The following FARP1 variants were observed in gnomAD, a reference collection of about 807,000 sequenced individuals.
FARP1 encodes FERM, ARHGEF and pleckstrin domain-containing protein 1.
Under a neutral mutation model 128.8 loss-of-function variants are expected in FARP1, and 52 were observed. That is an observed-to-expected ratio of 0.40 (90% CI 0.32 to 0.51). The LOEUF is 0.51. Ranked by LOEUF, FARP1 falls within the 20% of genes least tolerant of loss-of-function variation. The pLI is 0.45. For synonymous variants in FARP1, 580 were observed against 551.8 expected (o/e 1.05, Z -0.72); for missense variants, 1,333 against 1,367.9 (o/e 0.97, Z 0.40).
chr13:98,246,517 A>C (rs577022826), intron 2 of FARP1, among the ~76,000 whole-genome samples: 1 of 152,182 alleles, frequency 6.6e-6, no homozygotes, highest in South Asian at 2.1e-4. Context: ...GTCAGTTTTC[A>C]TTGTTAGAGT....
chr13:98,205,185 A>G (rs1389919078), intron 1 of FARP1, among the ~76,000 whole-genome samples: 2 of 152,216 alleles, frequency 1.3e-5, no homozygotes, highest in Non-Finnish European at 2.9e-5. Flanking sequence ...TGAGTTGTCA[A>G]ATTATCTTTG....
At chr13:98,234,293 C>A (rs1286074010) in intron 2 of FARP1, 1 of 152,158 alleles carries the variant, frequency 6.6e-6, no homozygotes, top group Non-Finnish European at 1.5e-5. Flanking sequence ...ACTAAGAAAG[C>A]TGGACTTCTT....
At chr13:98,385,476 G>A (rs745383840) in intron 7 of FARP1, among the ~76,000 whole-genome samples, 191 bp from the exon 8 acceptor site, 3 of 152,254 alleles carry the variant, frequency 2.0e-5, no homozygotes, top group Non-Finnish European at 2.9e-5. Context: ...TCCATGAGCA[G>A]TGGAGGTTTT....
chr13:98,438,118 T>G (rs1402721080), intron 19 of FARP1, among the ~76,000 whole-genome samples: 1 of 152,180 alleles, frequency 6.6e-6, no homozygotes, highest in African/African-American at 2.4e-5. Context: ...TTTTTTTGTT[T>G]TTAAGTGCTT....
chr13:98,215,530 A>C (rs1351896915), intron 2 of FARP1, among the ~76,000 whole-genome samples: 1 of 152,200 alleles, frequency 6.6e-6, no homozygotes, highest in African/African-American at 2.4e-5. Context: ...TTTATACTAT[A>C]TGAGAATAAA....
chr13:98,190,538 A>G (rs1262025472), intron 1 of FARP1, among the ~76,000 whole-genome samples: 6 of 151,774 alleles, frequency 4.0e-5, no homozygotes, highest in African/African-American at 1.5e-4. Flanking sequence ...ATGGGTAATA[A>G]GCATCAGATG....
At chr13:98,356,329 A>G (rs1288766369) in intron 3 of FARP1, among the ~76,000 whole-genome samples, 2 of 152,206 alleles carry the variant, frequency 1.3e-5, no homozygotes, top group East Asian at 1.9e-4. Context: ...GGTTGTCTCT[A>G]TAGCATATTA....
chr13:98,353,708 T>A (rs1888529907), intron 3 of FARP1, among the ~76,000 whole-genome samples: 1 of 152,198 alleles, frequency 6.6e-6, no homozygotes, highest in South Asian at 2.1e-4. Flanking sequence ...ATCTGTTTAT[T>A]TTAATATTAA....
At chr13:98,222,057 T>C (rs1260018151) in intron 2 of FARP1, among the ~76,000 whole-genome samples, 2 of 152,246 alleles carry the variant, frequency 1.3e-5, no homozygotes, top group Non-Finnish European at 2.9e-5. Context: ...GGGATTTCTC[T>C]TCTGTAGATA....
rs596722 is a variant in FARP1, at chr13:98,309,721, C to T, written c.172-34041C>T. 5.9e-3 allele frequency among the ~76,000 whole-genome samples: 891 copies of T among 152,294 alleles called. 9 individuals carry two copies. Among genetic ancestry groups the T allele is most frequent in the African/African-American group, 0.02 (829 of 41,540 alleles). Reference sequence around the variant, plus strand: ...GGCAGAAACTGCCAAAAACAGCAAACGCCGTCAAGGCACTGTTGAGGGGTT... The same window carrying T: ...GGCAGAAACTGCCAAAAACAGCAAATGCCGTCAAGGCACTGTTGAGGGGTT... On this transcript the variant is annotated intron_variant, in intron 2 of 26. Coordinates refer to ENST00000319562, the MANE Select transcript of FARP1 (RefSeq NM_005766.4).
At position 98,269,978 on chromosome 13, in the gene FARP1, G is replaced by A. The variant is rs144267448; in HGVS notation, c.171+56565G>A. Among the ~76,000 whole-genome samples, 633 of 152,212 alleles carry A rather than the reference G, an allele frequency of 4.2e-3. 3 individuals are homozygous for A. The highest frequency in any genetic ancestry group is 0.014 in the African/African-American group (589 of 41,532). On this transcript the variant is annotated intron_variant, in intron 2 of 26. Transcript: ENST00000319562. ...AAATTAGCCGGGCTTGGTAGTGCAC[G>A]CCTGTAGTCCCAACTACTTGGGAGG...
At chr13:98,370,945 A>C (rs374858500) in intron 5 of FARP1, among the ~76,000 whole-genome samples, 1 of 152,208 alleles carries the variant, frequency 6.6e-6, no homozygotes, top group East Asian at 1.9e-4. Context: ...GGGTCTGCAC[A>C]GGACTGAGGG....
At chr13:98,217,754 T>G (rs1367394874) in intron 2 of FARP1, among the ~76,000 whole-genome samples, 1 of 152,220 alleles carries the variant, frequency 6.6e-6, no homozygotes, top group Non-Finnish European at 1.5e-5. Flanking sequence ...CTGCTTAGTG[T>G]TGGCCTCTTG....
At chr13:98,444,728 G>T (rs1426401775) in intron 24 of FARP1, among the ~76,000 whole-genome samples, 1 of 152,200 alleles carries the variant, frequency 6.6e-6, no homozygotes, top group African/African-American at 2.4e-5. Context: ...GAAACAAATG[G>T]GCCCAGACTG....
At position 98,245,428 on chromosome 13, in the gene FARP1, A is replaced by G. The variant is rs142620897; in HGVS notation, c.171+32015A>G. 2.6e-5 allele frequency: 19 copies of G among 718,114 alleles called. No individual in the cohort carries two copies. In the East Asian group the frequency reaches 2.4e-3, roughly 90 times the overall value. 44.5% of individuals were successfully genotyped at this position (718,114 alleles called of 1,614,324 possible). A position where few individuals can be genotyped will look rare whatever the true frequency, so the allele number is the denominator to read the frequency against. On this transcript the variant is annotated intron_variant, in intron 2 of 26. Transcript: ENST00000319562. ...TCAGTGTTTTATGTGACAAAATCAT[A>G]CACTGCAGCAACTAAGTAATACGAA...
chr13:98,246,150 A>G, intron 2 of FARP1, among the ~76,000 whole-genome samples: 1 of 113,838 alleles, frequency 8.8e-6, no homozygotes, highest in Non-Finnish European at 1.6e-5. Context: ...GCTGGAGTGC[A>G]GTGGCGCAAT....
chr13:98,194,625 T>G (rs1464429758), intron 1 of FARP1, among the ~76,000 whole-genome samples: 1 of 152,188 alleles, frequency 6.6e-6, no homozygotes, highest in African/African-American at 2.4e-5. Context: ...TACTTAGAAT[T>G]TTATTTTTGT....
At chr13:98,234,376 G>A (rs891293043) in intron 2 of FARP1, 3 of 152,208 alleles carry the variant, frequency 2.0e-5, no homozygotes, top group Non-Finnish European at 4.4e-5. Context: ...AGAGCATTAG[G>A]TTCATTAATA....
intron 2 of FARP1, among the ~76,000 whole-genome samples, chr13:98,262,935 T>C (rs935786148): frequency 1.3e-5 from 2 of 152,140 alleles, no homozygotes; most frequent in African/African-American, 2.4e-5. Flanking sequence ...TAGCACGTCA[T>C]TTTACTAAGT....
Sources: allele counts gnomAD v4.1 joint callset (sites outside exome capture counted in the v4.1 genomes callset), GRCh38; gene constraint gnomAD v4.1.1; transcripts MANE v1.5; gene names NCBI Gene and HGNC (gene_info 2026-07-23, HGNC 2026-07-21).